ITPR2: variants seen among roughly 807,000 people sequenced by gnomAD.
ITPR2 encodes the protein inositol 1,4,5-trisphosphate-gated calcium channel ITPR2.
A neutral mutation model predicts 317.1 loss-of-function variants in ITPR2; 207 were observed. That is an observed-to-expected ratio of 0.65 (90% CI 0.58 to 0.73). The LOEUF (loss-of-function observed/expected upper bound fraction) is 0.73, where lower values mean the gene tolerates loss of function less well. Among genes scored for constraint, ITPR2 ranks in the 30% least tolerant of loss-of-function variants. The probability of loss-of-function intolerance (pLI) is 0.00; values close to 1 mark genes in which losing one functional copy is unlikely to be tolerated. For synonymous variants in ITPR2, 1,156 were observed against 1,149.1 expected (o/e 1.01, Z -0.12); for missense variants, 2,613 against 3,284.0 (o/e 0.80, Z 4.99).
At chr12:26,630,708 A>G (rs558988296) in intron 22 of ITPR2, 53 of 152,306 alleles carry the variant, frequency 3.5e-4, no homozygotes, top group African/African-American at 1.2e-3. Context: ...TAGAAGCTCC[A>G]TCTCATCCTT....
At position 26,622,280 on chromosome 12, in the gene ITPR2, T is replaced by A; in HGVS notation, c.3248A>T (p.His1083Leu). The A allele has an allele frequency of 6.2e-7, 1 of 1,613,826 alleles. No homozygotes were observed. The highest frequency in any genetic ancestry group is 8.5e-7 in the Non-Finnish European group (1 of 1,179,862). The change falls in exon 25 of 57, where the codon CAC becomes CTC. Residue 1083 changes from histidine to leucine, a missense_variant. This residue lies in a region of ITPR2 where 817 missense variants were observed against 897.6 expected (regional missense o/e 0.91). Coordinates refer to ENST00000381340, the MANE Select transcript of ITPR2 (RefSeq NM_002223.4). ...LSGALQLLFK[H>L]FSQRAEVLQA... Reference sequence around the variant, plus strand: ...TAAAACCTCTGCCCTCTGGCTGAAGTGCTTAAACAACAGCTGCAGGGCTCC... The same window carrying A: ...TAAAACCTCTGCCCTCTGGCTGAAGAGCTTAAACAACAGCTGCAGGGCTCC...
chr12:26,800,288 T>C (rs1950533244), intron 1 of ITPR2, among the ~76,000 whole-genome samples: 1 of 151,926 alleles, frequency 6.6e-6, no homozygotes, highest in East Asian at 1.9e-4. Context: ...CAAAGAAATA[T>C]GAACTCAAAT....
rs770639292 is a variant in ITPR2 at position 26,597,960 on chromosome 12, GTGT to G, written c.4003-829_4003-827del. On this transcript the variant is annotated intron_variant, in intron 30 of 56. Transcript: ENST00000381340. ...GCCGATTCATTGGCTTACTTTGAAA[GTGT>G]TGTTGAAAGAGAATGTATGTGTATC... Among the ~76,000 whole-genome samples the G allele has an allele frequency of 1.4e-4, 21 of 152,240 alleles. No homozygotes were observed. The East Asian group carries it at 3.5e-3, about 25-fold the overall frequency.
intron 42 of ITPR2, among the ~76,000 whole-genome samples, chr12:26,482,428 G>A (rs1942562607): frequency 6.6e-6 from 1 of 152,064 alleles, no homozygotes; most frequent in Non-Finnish European, 1.5e-5. Flanking sequence ...ACCAAAACTG[G>A]GGAACATTCT....
At chr12:26,525,477 TAG>T (rs1943786924) in intron 37 of ITPR2, among the ~76,000 whole-genome samples, 1 of 152,218 alleles carries the variant, frequency 6.6e-6, no homozygotes, top group African/African-American at 2.4e-5. Flanking sequence ...ATTAATCTTA[TAG>T]AGTCACTCCT....
chr12:26,363,635 A>G (rs1386762540), intron 55 of ITPR2, among the ~76,000 whole-genome samples: 1 of 152,102 alleles, frequency 6.6e-6, no homozygotes, highest in Non-Finnish European at 1.5e-5. Context: ...CATTTTCGTG[A>G]TCTGATCTTA....
chr12:26,419,348 A>G lies in ITPR2; in HGVS notation c.6946-135T>C, dbSNP rs922015746. On this transcript the variant is annotated intron_variant, in intron 49 of 56. Coordinates refer to ENST00000381340, the MANE Select transcript of ITPR2 (RefSeq NM_002223.4). ...TCATTAAAATCTATGACTTTTTGACATGGATGAAAACTATTATTCATAAAG... is the reference window on the plus strand; with the variant it reads ...TCATTAAAATCTATGACTTTTTGACGTGGATGAAAACTATTATTCATAAAG... The G allele has an allele frequency of 9.8e-6, 7 of 717,014 alleles. No homozygotes were observed. In the East Asian group the frequency reaches 2.0e-4, roughly 21 times the overall value. 44.4% of individuals were successfully genotyped at this position (717,014 alleles called of 1,614,324 possible).
At chr12:26,694,857 A>C (rs1203034748) in intron 10 of ITPR2, among the ~76,000 whole-genome samples, 1 of 152,214 alleles carries the variant, frequency 6.6e-6, no homozygotes, top group Admixed American at 6.5e-5. Flanking sequence ...CATTGGGCCA[A>C]TTACCTGATA....
intron 32 of ITPR2, among the ~76,000 whole-genome samples, chr12:26,593,504 A>G (rs574341776): frequency 5.9e-5 from 9 of 152,320 alleles, no homozygotes; most frequent in African/African-American, 1.9e-4. Context: ...CTTCCCTGAA[A>G]AAGGAAAGGT....
Position 26,561,946 on chromosome 12 carries a change from T to G in ITPR2, c.4637A>C (p.Asn1546Thr). ...ATCCACTGGAATGGCAATTCCACGA[T>G]TTTTTGCTGAAAAAGAAAGATTTAA... is the stretch of plus-strand genomic sequence containing the variant. ...CIRTLAEVAKNRGIAIPVDLD... is the reference protein window; with the variant it reads ...CIRTLAEVAKTRGIAIPVDLD... Residue 1546 changes from asparagine (N) to threonine (T), a missense_variant, in exon 35 of 57, where the codon AAT (asparagine) becomes ACT (threonine). By Grantham distance (65) the Asn-to-Thr change is moderately conservative. Coordinates refer to ENST00000381340, the MANE Select transcript of ITPR2 (RefSeq NM_002223.4). 1 of 1,509,976 alleles carries G rather than the reference T, an allele frequency of 6.6e-7. No homozygotes were observed. Among genetic ancestry groups the G allele is most frequent in the Non-Finnish European group, 8.8e-7 (1 of 1,136,742 alleles). The allele number at this position is 1,509,976 out of a possible 1,614,324, so 93.5% of individuals were successfully genotyped here.
At chr12:26,488,307 C>T (rs1468246960) in intron 39 of ITPR2, among the ~76,000 whole-genome samples, 1 of 151,986 alleles carries the variant, frequency 6.6e-6, no homozygotes. Flanking sequence ...ATTTCCAGAT[C>T]AAGCAGAACT....
intron 46 of ITPR2, among the ~76,000 whole-genome samples, chr12:26,441,188 G>T (rs1941481413): frequency 6.6e-6 from 1 of 152,122 alleles, no homozygotes; most frequent in Non-Finnish European, 1.5e-5. Context: ...TTCAAAATCG[G>T]ATCAGTTTCT....
At chr12:26,604,995 G>A (rs932558063) in intron 26 of ITPR2, among the ~76,000 whole-genome samples, 1 of 151,578 alleles carries the variant, frequency 6.6e-6, no homozygotes, top group Non-Finnish European at 1.5e-5. Context: ...GGCTGAGGCA[G>A]GAGAATCGCT....
chr12:26,418,517 T>C (rs1214167283), intron 50 of ITPR2, among the ~76,000 whole-genome samples: 3 of 152,164 alleles, frequency 2.0e-5, no homozygotes, highest in African/African-American at 7.2e-5. Context: ...GTTAAATATA[T>C]GTAGATAAGT....
chr12:26,379,253 C>T (rs1450729262), intron 55 of ITPR2, among the ~76,000 whole-genome samples: 1 of 152,120 alleles, frequency 6.6e-6, no homozygotes, highest in African/African-American at 2.4e-5. Context: ...TGTCACGAGG[C>T]TTTAAAGGAG....
chr12:26,608,100 G>A (rs956807637), intron 26 of ITPR2, among the ~76,000 whole-genome samples: 2 of 152,014 alleles, frequency 1.3e-5, no homozygotes, highest in Non-Finnish European at 2.9e-5. Context: ...CAGCCTGGGC[G>A]ACAGAGTGAG....
At chr12:26,700,743 G>A (rs747937669) in intron 9 of ITPR2, among the ~76,000 whole-genome samples, 1 of 152,180 alleles carries the variant, frequency 6.6e-6, no homozygotes, top group Non-Finnish European at 1.5e-5. Flanking sequence ...GATGAAAAAG[G>A]GAAAGTAACT....
intron 53 of ITPR2, 36 bp downstream of exon 53, chr12:26,400,092 T>C (rs370794761): frequency 1.9e-6 from 3 of 1,570,846 alleles, no homozygotes; most frequent in African/African-American, 1.4e-5. Flanking sequence ...AAAAAAAAGA[T>C]GTGCTCCTTG....
At chr12:26,683,513 T>C (rs968640492) in intron 11 of ITPR2, among the ~76,000 whole-genome samples, 3 of 152,234 alleles carry the variant, frequency 2.0e-5, no homozygotes, top group African/African-American at 7.2e-5. Flanking sequence ...GCTTCGTTCA[T>C]GCATGAATTA....
Sources: gnomAD v4.1 joint callset for allele counts (sites outside exome capture counted in the v4.1 genomes callset) on GRCh38, gnomAD v4.1.1 for gene constraint, gnomAD v4.1.1 regional missense constraint, MANE v1.5 for transcripts, NCBI Gene and HGNC (gene_info 2026-07-23, HGNC 2026-07-21) for gene names.